LAMB3: variants seen among roughly 807,000 people sequenced by gnomAD.
The protein encoded by LAMB3 is laminin subunit beta 3.
A neutral mutation model predicts 140.3 loss-of-function variants in LAMB3; 104 were observed. That is an observed-to-expected ratio of 0.74 (90% CI 0.63 to 0.87). The LOEUF is 0.87. Among genes scored for constraint, LAMB3 ranks in the 40% least tolerant of loss-of-function variants. The pLI, the probability that LAMB3 is intolerant of heterozygous loss-of-function variation, is 0.00. For missense variants in LAMB3, 1,531 were observed against 1,575.2 expected (o/e 0.97, Z 0.47); for synonymous variants, 592 against 602.9 (o/e 0.98, Z 0.26).
intron 21 of LAMB3, among the ~76,000 whole-genome samples, 175 bp downstream of exon 21, chr1:209,617,235 A>C (rs1369368231): frequency 6.6e-6 from 1 of 152,228 alleles, no homozygotes; most frequent in Non-Finnish European, 1.5e-5. Flanking sequence ...TACCAAAAGC[A>C]GTGGAGGGAG....
intron 10 of LAMB3, among the ~76,000 whole-genome samples, chr1:209,628,936 T>C (rs1173576218): frequency 6.6e-6 from 1 of 152,200 alleles, no homozygotes. Context: ...ATATGTCAAA[T>C]AACTTATTCA....
chr1:209,651,559 A>G (rs1430286145), intron 1 of LAMB3, among the ~76,000 whole-genome samples: 1 of 152,058 alleles, frequency 6.6e-6, no homozygotes, highest in African/African-American at 2.4e-5. Context: ...CAACAGGGAG[A>G]GATGTATGGC....
At chr1:209,618,120 A>G (rs1470670381) in intron 19 of LAMB3, 72 bp from the exon 20 acceptor site, 2 of 1,582,350 alleles carry the variant, frequency 1.3e-6, no homozygotes, top group Admixed American at 1.7e-5. Flanking sequence ...GGTTCGACTC[A>G]CACACCAGTC....
In LAMB3 at chr1:209,623,165, G is replaced by C. The variant is rs1302851321; in HGVS notation, c.2373C>G (p.Ser791=). The change falls in exon 17 of 23, where the codon TCC becomes TCG. Residue 791 remains serine (S), a synonymous_variant. Transcript: ENST00000356082. This position sits in a 1 kb window ranked among gnomAD's most constrained non-coding sequence, Gnocchi z 4.2. The part of the protein sequence containing the change: ...TPTFNKLCGN[S]RQMACTPISC... ...ATATTGGGGTGCAAGCCATCTGCCT[G>C]GAGTTGCCACAGAGCTGTGGACAGA... is the stretch of plus-strand genomic sequence containing the variant. 5 of 1,614,086 alleles carry C rather than the reference G, an allele frequency of 3.1e-6. No homozygotes were observed. Among genetic ancestry groups the C allele is most frequent in the Non-Finnish European group, 4.2e-6 (5 of 1,180,046 alleles).
chr1:209,633,687 G>C (rs1666779974), intron 6 of LAMB3, among the ~76,000 whole-genome samples: 1 of 152,186 alleles, frequency 6.6e-6, no homozygotes, highest in Non-Finnish European at 1.5e-5. Context: ...TTTGCGTAAG[G>C]GTATAACCAA....
chr1:209,617,478 C>T lies in LAMB3; in HGVS notation c.3160G>A (p.Gly1054Arg). Residue 1054 changes from glycine to arginine, a missense_variant, in exon 21 of 23, where the codon GGG (glycine) becomes AGG (arginine). Gly to Arg is a moderately radical substitution (Grantham distance 125). Transcript: ENST00000356082. ...TGCTGGGCCTGGACTGCCTCTGCCC[C>T]CTGCTGCCGGGCTTGGTGGCGGAGC... is the stretch of plus-strand genomic sequence containing the variant. The part of the protein sequence containing the change: ...EELRHQARQQ[G>R]AEAVQAQQLA... 1 of 1,613,860 alleles carries T rather than the reference C, an allele frequency of 6.2e-7. No homozygotes were observed. Among genetic ancestry groups the T allele is most frequent in the Non-Finnish European group, 8.5e-7 (1 of 1,180,044 alleles).
rs142191279 is a variant in LAMB3, at chr1:209,623,019, C to T, written c.2519G>A (p.Arg840Gln). The change falls in exon 17 of 23, where the codon CGG becomes CAG. Residue 840 changes from arginine to glutamine, a missense_variant. Transcript: ENST00000356082. The surrounding 1 kb of genome is among the most constrained non-coding windows in gnomAD (Gnocchi z 4.2). ...LMAGQVAEQL[R>Q]GFNAQLQRTR... is the part of the protein sequence containing the mutation. Reference sequence around the variant, plus strand: ...CCGCTGGAGCTGGGCATTGAAGCCCCGCAGCTGCTCAGCCACCTGCCCCGC... The same window carrying T: ...CCGCTGGAGCTGGGCATTGAAGCCCTGCAGCTGCTCAGCCACCTGCCCCGC... 102 of 1,613,816 alleles carry T rather than the reference C, an allele frequency of 6.3e-5. No individual in the cohort carries two copies. Among genetic ancestry groups the T allele is most frequent in the Non-Finnish European group, 7.5e-5 (88 of 1,180,012 alleles).
intron 10 of LAMB3, among the ~76,000 whole-genome samples, chr1:209,628,425 C>T (rs538063479): frequency 4.0e-4 from 61 of 152,322 alleles, no homozygotes; most frequent in South Asian, 1.0e-3. Context: ...TGGCTGTGCG[C>T]GGTGGCTCAT....
At chr1:209,633,994 T>G (rs1336291509) in intron 6 of LAMB3, among the ~76,000 whole-genome samples, 1 of 152,216 alleles carries the variant, frequency 6.6e-6, no homozygotes, top group Admixed American at 6.5e-5. Context: ...CAGAATTCCC[T>G]CCAAGGGCTA....
intron 22 of LAMB3, among the ~76,000 whole-genome samples, 200 bp downstream of exon 22, chr1:209,616,271 T>A (rs1441314328): frequency 1.3e-5 from 2 of 152,008 alleles, no homozygotes; most frequent in Admixed American, 6.5e-5. Flanking sequence ...AATTGCAAGC[T>A]TTTTGAGGCC....
chr1:209,629,306 T>C (rs1221550960), intron 10 of LAMB3, among the ~76,000 whole-genome samples: 3 of 152,190 alleles, frequency 2.0e-5, no homozygotes, highest in Non-Finnish European at 2.9e-5. Context: ...ATCCTCGCCA[T>C]GGAGGAGTTC....
chr1:209,628,007 G>C lies in LAMB3; in HGVS notation c.1288+28C>G, dbSNP rs369405746. ...GGTGGCCCCATGCAGCCCACCCCAC[G>C]TCATGCTGGGCCAAGCCCCCTACTC... On this transcript the variant is annotated intron_variant, in intron 11 of 22. Transcript: ENST00000356082. The C allele has an allele frequency of 5.7e-6, 9 of 1,580,746 alleles. No homozygotes were observed. The Middle Eastern group carries it at 1.2e-3, about 204-fold the overall frequency.
At position 209,623,463 on chromosome 1, in the gene LAMB3, G is replaced by C. The variant is rs1237115467; in HGVS notation, c.2358+42C>G. The C allele has an allele frequency of 1.3e-6, 2 of 1,573,712 alleles. No homozygotes were observed. The highest frequency in any genetic ancestry group is 1.7e-5 in the Admixed American group (1 of 59,986). ...GCAGCAGTTGGTGTGTGACAAGCTGGGGTGTGGGCTCCAGGAAGTGGGACT... is the reference window on the plus strand; with the variant it reads ...GCAGCAGTTGGTGTGTGACAAGCTGCGGTGTGGGCTCCAGGAAGTGGGACT... On this transcript the variant is annotated intron_variant, in intron 16 of 22. Coordinates refer to ENST00000356082, the MANE Select transcript of LAMB3 (RefSeq NM_000228.3). This position sits in a 1 kb window ranked among gnomAD's most constrained non-coding sequence, Gnocchi z 4.2.
chr1:209,644,834 G>A (rs1571836254), intron 3 of LAMB3, among the ~76,000 whole-genome samples: 1 of 152,192 alleles, frequency 6.6e-6, no homozygotes, highest in East Asian at 1.9e-4. Context: ...GACCTCTACA[G>A]GTCCTGCCAG....
intron 22 of LAMB3, among the ~76,000 whole-genome samples, chr1:209,616,269 G>GCA (rs1665957942): frequency 1.3e-5 from 2 of 148,226 alleles, no homozygotes; most frequent in Admixed American, 6.6e-5. Context: ...TTAATTGCAA[G>GCA]CTTTTTGAGG....
At position 209,632,524 on chromosome 1, in the gene LAMB3, G is replaced by A. The variant is rs1035687140; in HGVS notation, c.822+59C>T. On this transcript the variant is annotated intron_variant, in intron 8 of 22. Coordinates refer to ENST00000356082, the MANE Select transcript of LAMB3 (RefSeq NM_000228.3). ...CCTGCTTTACAGGAGCCCCAAGAAT[G>A]TCTGTAGTCTGCCCTGGTCCTGCCC... The A allele has an allele frequency of 1.2e-4, 162 of 1,377,396 alleles. 2 individuals carry two copies. Among genetic ancestry groups the A allele is most frequent in the East Asian group, 1.1e-3 (48 of 43,332 alleles). The allele number at this position is 1,377,396 out of a possible 1,614,324, so 85.3% of individuals were successfully genotyped here.
At chr1:209,634,698 C>G in intron 5 of LAMB3, 60 bp from the exon 6 acceptor site, 2 of 1,399,076 alleles carry the variant, frequency 1.4e-6, no homozygotes, top group Non-Finnish European at 2.0e-6. Flanking sequence ...CGTGGAGACA[C>G]AAGCAGAGAG....
Position 209,626,852 on chromosome 1 carries a change from G to A in LAMB3, c.1597+15C>T. On this transcript the variant is annotated intron_variant, in intron 13 of 22. Coordinates refer to ENST00000356082, the MANE Select transcript of LAMB3 (RefSeq NM_000228.3). The stretch of plus-strand genomic sequence containing the variant: ...CCCCCAGAGCCTCAGCGTCCCCCAG[G>A]CTTTGAGCATGCACCTCGGCATCCT... 1 of 1,602,558 alleles carries A rather than the reference G, an allele frequency of 6.2e-7. No individual in the cohort carries two copies. The highest frequency in any genetic ancestry group is 8.5e-7 in the Non-Finnish European group (1 of 1,170,144).
intron 22 of LAMB3, among the ~76,000 whole-genome samples, chr1:209,616,036 G>A (rs1362858203): frequency 6.6e-6 from 1 of 151,936 alleles, no homozygotes; most frequent in African/African-American, 2.4e-5. Flanking sequence ...GCTTCTCCCA[G>A]GCCTACACAT....
Sources: gnomAD v4.1 joint callset for allele counts (sites outside exome capture counted in the v4.1 genomes callset) on GRCh38, gnomAD v4.1.1 for gene constraint, Gnocchi (gnomAD v3.1) non-coding constraint, MANE v1.5 for transcripts, NCBI Gene and HGNC (gene_info 2026-07-23, HGNC 2026-07-21) for gene names.